The following MYRIP variants were observed in gnomAD, a reference collection of about 807,000 sequenced individuals.
The protein encoded by MYRIP is myosin VIIA and Rab interacting protein.
Under a neutral mutation model 98.0 loss-of-function variants are expected in MYRIP, and 49 were observed. That is an observed-to-expected ratio of 0.50 (90% confidence interval 0.40 to 0.63). The LOEUF (loss-of-function observed/expected upper bound fraction) is 0.63. MYRIP is among the 30% of genes least tolerant of loss of function. The pLI, the probability that MYRIP is intolerant of heterozygous loss-of-function variation, is 0.00. For missense variants in MYRIP, 1,004 were observed against 1,058.2 expected (o/e 0.95, Z 0.71); for synonymous variants, 404 against 409.5 (o/e 0.99, Z 0.16).
At chr3:40,145,752 T>C (rs1416153673) in intron 3 of MYRIP, among the ~76,000 whole-genome samples, 1 of 152,220 alleles carries the variant, frequency 6.6e-6, no homozygotes, top group Non-Finnish European at 1.5e-5. Flanking sequence ...CCGTTTTTAA[T>C]GCAGAAGAAA....
chr3:39,941,479 T>A (rs115651324), intron 2 of MYRIP, among the ~76,000 whole-genome samples: 1 of 151,030 alleles, frequency 6.6e-6, no homozygotes, highest in African/African-American at 2.5e-5. Context: ...ATACAGTCTT[T>A]TAAAAATGTA....
chr3:40,184,556 G>T (rs2125621095), intron 9 of MYRIP, among the ~76,000 whole-genome samples: 2 of 152,296 alleles, frequency 1.3e-5, no homozygotes, highest in Middle Eastern at 3.4e-3. Flanking sequence ...CAATTTGCAG[G>T]TTTTCAACTA....
At chr3:39,877,919 T>C (rs1647518989) in intron 1 of MYRIP, among the ~76,000 whole-genome samples, 1 of 152,180 alleles carries the variant, frequency 6.6e-6, no homozygotes, top group Admixed American at 6.5e-5. Flanking sequence ...ACTGCTGTCT[T>C]TTTGTTTGTC....
intron 10 of MYRIP, among the ~76,000 whole-genome samples, chr3:40,193,679 A>C (rs1951307505): frequency 6.6e-6 from 1 of 152,178 alleles, no homozygotes; most frequent in South Asian, 2.1e-4. Flanking sequence ...ACATAGCCAT[A>C]ACAGTGTGTG....
At chr3:39,935,547 T>C (rs1944637386) in intron 2 of MYRIP, among the ~76,000 whole-genome samples, 3 of 152,156 alleles carry the variant, frequency 2.0e-5, no homozygotes, top group Non-Finnish European at 4.4e-5. Context: ...TTGGCTCATG[T>C]TTCCATATGG....
intron 2 of MYRIP, among the ~76,000 whole-genome samples, chr3:40,040,104 C>A (rs1255874433): frequency 3.3e-5 from 5 of 152,162 alleles, no homozygotes; most frequent in Admixed American, 2.6e-4. Flanking sequence ...TATAAGACCC[C>A]TTTTCCAAAT....
At chr3:39,845,080 A>G (rs1941921485) in intron 1 of MYRIP, among the ~76,000 whole-genome samples, 1 of 152,176 alleles carries the variant, frequency 6.6e-6, no homozygotes, top group Non-Finnish European at 1.5e-5. Flanking sequence ...CTCTTTTTTG[A>G]CTGAAAGGCT....
intron 2 of MYRIP, among the ~76,000 whole-genome samples, chr3:39,977,457 T>G (rs1481288297): frequency 6.6e-6 from 1 of 152,178 alleles, no homozygotes; most frequent in Non-Finnish European, 1.5e-5. Flanking sequence ...ATATGACCAG[T>G]GTATTCTCTG....
intron 2 of MYRIP, among the ~76,000 whole-genome samples, chr3:40,013,840 T>A (rs571910258): frequency 5.3e-5 from 8 of 152,352 alleles, no homozygotes; most frequent in Admixed American, 5.2e-4. Context: ...CTCAGGCATA[T>A]CTGAGAGCCA....
chr3:40,178,054 G>T (rs553544362), intron 8 of MYRIP, among the ~76,000 whole-genome samples: 17 of 152,298 alleles, frequency 1.1e-4, no homozygotes, highest in Admixed American at 1.0e-3. Context: ...CTGTGTCTCA[G>T]TTACGTATAC....
chr3:40,016,293 C>T (rs1463620290), intron 2 of MYRIP, among the ~76,000 whole-genome samples: 1 of 152,138 alleles, frequency 6.6e-6, no homozygotes, highest in Non-Finnish European at 1.5e-5. Flanking sequence ...GTTGGTGCCT[C>T]ATCCAGAACC....
chr3:40,234,388 AG>A (rs955136596), intron 12 of MYRIP, among the ~76,000 whole-genome samples: 13 of 152,176 alleles, frequency 8.5e-5, no homozygotes, highest in African/African-American at 2.7e-4. Context: ...CTGGAGTAGA[AG>A]TTGCATCTCA....
chr3:40,100,961 C>A (rs1948933565), intron 3 of MYRIP, among the ~76,000 whole-genome samples: 1 of 152,064 alleles, frequency 6.6e-6, no homozygotes, highest in Non-Finnish European at 1.5e-5. Context: ...TTTAAAACAT[C>A]AAATAATTCT....
chr3:40,113,528 A>G lies in MYRIP; in HGVS notation c.333-37520A>G, dbSNP rs61444692. The stretch of plus-strand genomic sequence containing the variant: ...TGTCTCAGAGCCATATGGGATAGTT[A>G]TTTAATAAATACTGCTGGGACAACT... On this transcript the variant is annotated intron_variant, in intron 3 of 16. Coordinates refer to ENST00000302541, the MANE Select transcript of MYRIP (RefSeq NM_015460.4). Among the ~76,000 whole-genome samples the G allele has an allele frequency of 7.6e-3, 1,161 of 152,340 alleles. 15 individuals are homozygous for G. The highest frequency in any genetic ancestry group is 0.025 in the African/African-American group (1,052 of 41,572).
At chr3:40,118,017 AT>A (rs1232447379) in intron 3 of MYRIP, among the ~76,000 whole-genome samples, 1 of 108,212 alleles carries the variant, frequency 9.2e-6, no homozygotes, top group Non-Finnish European at 2.2e-5. Flanking sequence ...ACTCCTACAA[AT>A]CCAAAACAAA....
Position 40,204,445 on chromosome 3 carries a change from G to A in MYRIP, c.1666-5409G>A, listed in dbSNP as rs1165352611. Among the ~76,000 whole-genome samples, 3 of 150,510 alleles carry A rather than the reference G, an allele frequency of 2.0e-5. No homozygotes were observed. In the Admixed American group the frequency reaches 2.0e-4, roughly 10 times the overall value. On this transcript the variant is annotated intron_variant, in intron 10 of 16. Transcript: ENST00000302541. ...GATCCACCCGCCTCAGCCTCCCAAA[G>A]TGCTGGGATTACAGGCCTGAACCAC...
At chr3:39,810,811 A>G (rs901552938) in intron 1 of MYRIP, 2 of 152,236 alleles carry the variant, frequency 1.3e-5, no homozygotes, top group Non-Finnish European at 2.9e-5. Context: ...AAACTCTTAA[A>G]TGCACACACT....
chr3:40,214,604 T>C (rs1228927347), intron 11 of MYRIP, among the ~76,000 whole-genome samples: 1 of 152,172 alleles, frequency 6.6e-6, no homozygotes, highest in East Asian at 1.9e-4. Context: ...AGAACGAGCT[T>C]GGAGCCAGAT....
chr3:39,974,228 G>A (rs984720472), intron 2 of MYRIP, among the ~76,000 whole-genome samples: 8 of 152,194 alleles, frequency 5.3e-5, no homozygotes, highest in East Asian at 3.9e-4. Context: ...TATCACCACC[G>A]ATCCCATAGA....
Sources: allele counts gnomAD v4.1 joint callset (sites outside exome capture counted in the v4.1 genomes callset), GRCh38; gene constraint gnomAD v4.1.1; transcripts MANE v1.5; gene names NCBI Gene and HGNC (gene_info 2026-07-23, HGNC 2026-07-21).